Variants in PIGL observed in about 807,000 individuals in gnomAD.
PIGL encodes the protein N-acetylglucosaminyl-phosphatidylinositol de-N-acetylase.
In PIGL, 22 loss-of-function variants were observed where a neutral mutation model predicts 31.1. That is an observed-to-expected ratio of 0.71 (90% confidence interval 0.51 to 1.01). The LOEUF (loss-of-function observed/expected upper bound fraction) is 1.01. Ranked by LOEUF, PIGL falls within the 50% of genes least tolerant of loss-of-function variation. PIGL has a pLI of 0.00. For missense variants in PIGL, 302 were observed against 315.9 expected (o/e 0.96, Z 0.33); for synonymous variants, 131 against 117.4 (o/e 1.12, Z -0.75).
At chr17:16,224,630 T>A (rs2092643951) in intron 1 of PIGL, among the ~76,000 whole-genome samples, 1 of 151,642 alleles carries the variant, frequency 6.6e-6, no homozygotes, top group Non-Finnish European at 1.5e-5. Context: ...TAGAATTAGC[T>A]TGGTGATGTT....
In PIGL at chr17:16,234,482, AGCGGG is replaced by A. The variant is rs567408922; in HGVS notation, c.335+415_335+419del. The stretch of plus-strand genomic sequence containing the variant: ...AAAAGTCTACATAAAATAACTTCAC[AGCGGG>A]GCACAGTGGCTTACGCCTGTAATCC... On this transcript the variant is annotated intron_variant, in intron 2 of 6. Transcript: ENST00000225609. 4.0e-5 allele frequency among the ~76,000 whole-genome samples: 6 copies of A among 149,520 alleles called. No homozygotes were observed. In the South Asian group the frequency reaches 1.1e-3, roughly 26 times the overall value.
At chr17:16,222,250 T>C (rs1250876459) in intron 1 of PIGL, among the ~76,000 whole-genome samples, 1 of 151,996 alleles carries the variant, frequency 6.6e-6, no homozygotes, top group African/African-American at 2.4e-5. Context: ...GGGGTTTAGA[T>C]TAAGGAAATC....
chr17:16,283,329 G>A (rs892904704), intron 2 of PIGL, among the ~76,000 whole-genome samples: 57 of 152,294 alleles, frequency 3.7e-4, no homozygotes, highest in African/African-American at 1.3e-3. Context: ...TTAGCTGGCC[G>A]TGGTTGTGCA....
At chr17:16,302,587 C>G (rs2093009420) in intron 3 of PIGL, among the ~76,000 whole-genome samples, 1 of 152,000 alleles carries the variant, frequency 6.6e-6, no homozygotes, top group Admixed American at 6.6e-5. Flanking sequence ...GTAGGGTACT[C>G]TTATCTTTTT....
chr17:16,247,513 G>C (rs577262917), intron 2 of PIGL, among the ~76,000 whole-genome samples: 3 of 152,298 alleles, frequency 2.0e-5, no homozygotes, highest in Admixed American at 2.0e-4. Context: ...ACAGGCCCCA[G>C]GCAAGGCCAA....
intron 2 of PIGL, among the ~76,000 whole-genome samples, chr17:16,237,553 C>A (rs1251571183): frequency 6.6e-6 from 1 of 151,738 alleles, no homozygotes; most frequent in Admixed American, 6.6e-5. Flanking sequence ...GTAATCCAAG[C>A]ACTTTGGGAG....
chr17:16,311,224 G>A (rs926988029), intron 3 of PIGL, among the ~76,000 whole-genome samples: 10 of 151,222 alleles, frequency 6.6e-5, no homozygotes, highest in Non-Finnish European at 5.9e-5. Context: ...AGTCCTTGTT[G>A]TCGTTTTTAT....
intron 5 of PIGL, chr17:16,317,117 C>G (rs1249038514): frequency 3.9e-6 from 4 of 1,032,920 alleles, no homozygotes; most frequent in Non-Finnish European, 3.5e-6. Flanking sequence ...AGTATTTGAC[C>G]CTACCTGACC....
chr17:16,224,050 A>C (rs1157248186), intron 1 of PIGL, among the ~76,000 whole-genome samples: 1 of 152,000 alleles, frequency 6.6e-6, no homozygotes, highest in Non-Finnish European at 1.5e-5. Flanking sequence ...CCCTGTCTCT[A>C]CTAAAAATAC....
chr17:16,295,814 G>A (rs1156792077), intron 2 of PIGL, among the ~76,000 whole-genome samples: 2 of 152,084 alleles, frequency 1.3e-5, no homozygotes, highest in African/African-American at 2.4e-5. Context: ...GGTGGCACAT[G>A]CCTGTAATCC....
intron 6 of PIGL, among the ~76,000 whole-genome samples, chr17:16,318,274 C>CTT (rs879336540): frequency 2.1e-5 from 3 of 145,032 alleles, no homozygotes; most frequent in African/African-American, 5.0e-5. Flanking sequence ...TCTTTCTACT[C>CTT]TTTTTTTTTT....
intron 2 of PIGL, among the ~76,000 whole-genome samples, chr17:16,275,865 A>G (rs1311787541): frequency 6.6e-6 from 1 of 152,098 alleles, no homozygotes; most frequent in Non-Finnish European, 1.5e-5. Flanking sequence ...CTCTACTACA[A>G]ATATAAAAAT....
At chr17:16,279,755 G>T (rs1296965293) in intron 2 of PIGL, 3 of 152,172 alleles carry the variant, frequency 2.0e-5, no homozygotes, top group Non-Finnish European at 4.4e-5. Context: ...CTGGGAATGG[G>T]GTGAATACAG....
intron 4 of PIGL, among the ~76,000 whole-genome samples, chr17:16,316,130 G>A (rs977693889): frequency 6.6e-6 from 1 of 152,104 alleles, no homozygotes; most frequent in Non-Finnish European, 1.5e-5. Flanking sequence ...GTGTGTTGCT[G>A]GGGCTACCTT....
At chr17:16,223,338 G>A (rs2092637749) in intron 1 of PIGL, among the ~76,000 whole-genome samples, 1 of 152,052 alleles carries the variant, frequency 6.6e-6, no homozygotes, top group African/African-American at 2.4e-5. Flanking sequence ...CAGAACTTTG[G>A]GAGGCCAAGG....
At chr17:16,260,657 G>A (rs190028531) in intron 2 of PIGL, among the ~76,000 whole-genome samples, 5 of 152,240 alleles carry the variant, frequency 3.3e-5, no homozygotes, top group Admixed American at 6.5e-5. Flanking sequence ...CTGGATACTC[G>A]TTGGGATGAC....
intron 2 of PIGL, chr17:16,279,677 T>C (rs2142788982): frequency 1.3e-5 from 2 of 152,352 alleles, no homozygotes; most frequent in African/African-American, 4.8e-5. Flanking sequence ...CTCAGACTGA[T>C]GTGTCTATCA....
Position 16,299,989 on chromosome 17 carries a change from A to C in PIGL, c.426+11A>C, listed in dbSNP as rs1347738449. 3 of 1,605,990 alleles carry C rather than the reference A, an allele frequency of 1.9e-6. No homozygotes were observed. The highest frequency in any genetic ancestry group is 1.7e-5 in the Admixed American group (1 of 59,984). ...AATGGCATCAATCTGGTAAGGGGGCAGCTCCCTGAATGGAAAACCTGAGGT... is the reference window on the plus strand; with the variant it reads ...AATGGCATCAATCTGGTAAGGGGGCCGCTCCCTGAATGGAAAACCTGAGGT... On this transcript the variant is annotated intron_variant, in intron 3 of 6. Coordinates refer to ENST00000225609, the MANE Select transcript of PIGL (RefSeq NM_004278.4).
chr17:16,288,562 G>A (rs758525650), intron 2 of PIGL, among the ~76,000 whole-genome samples: 7 of 144,714 alleles, frequency 4.8e-5, no homozygotes, highest in Non-Finnish European at 9.0e-5. Flanking sequence ...TTTTGAAACC[G>A]GAGTTTCGCT....
Sources: gnomAD v4.1 joint callset for allele counts (sites outside exome capture counted in the v4.1 genomes callset) on GRCh38, gnomAD v4.1.1 for gene constraint, MANE v1.5 for transcripts, NCBI Gene and HGNC (gene_info 2026-07-23, HGNC 2026-07-21) for gene names.